The following NEK1 variants were observed in gnomAD, a reference collection of about 807,000 sequenced individuals.
NEK1 encodes the protein serine/threonine-protein kinase Nek1.
A neutral mutation model predicts 182.1 loss-of-function variants in NEK1; 137 were observed. The observed-to-expected ratio is 0.75, with a 90% CI of 0.65 to 0.87. The LOEUF (loss-of-function observed/expected upper bound fraction) is 0.87, where lower values mean the gene tolerates loss of function less well. NEK1 is among the 40% of genes least tolerant of loss of function. The pLI is 0.00. For synonymous variants in NEK1, 513 were observed against 492.2 expected (o/e 1.04, Z -0.56); for missense variants, 1,391 against 1,494.4 (o/e 0.93, Z 1.14).
intron 18 of NEK1, chr4:169,554,484 TAAG>T (rs574192245): frequency 2.3e-4 from 35 of 150,444 alleles, no homozygotes; most frequent in African/African-American, 8.5e-4. Flanking sequence ...ATATTAGTGT[TAAG>T]AAGAAATAAG....
chr4:169,404,083 A>AC (rs990448729), intron 32 of NEK1, among the ~76,000 whole-genome samples: 1 of 151,764 alleles, frequency 6.6e-6, no homozygotes, highest in African/African-American at 2.4e-5. Context: ...GGAAGAAAGA[A>AC]AAAATAAAAG....
chr4:169,489,612 T>G (rs2149600324), intron 23 of NEK1, among the ~76,000 whole-genome samples: 1 of 152,284 alleles, frequency 6.6e-6, no homozygotes, highest in South Asian at 2.1e-4. Context: ...TCACAAAGTC[T>G]GGTCCATTGC....
chr4:169,534,700 G>GGCAAAGCTTACA (rs57649857), intron 19 of NEK1, among the ~76,000 whole-genome samples: 50,130 of 151,918 alleles, frequency 0.33, 11,256 homozygotes, highest in African/African-American at 0.65. Flanking sequence ...GTACTGGCCT[G>GGCAAAGCTTACA]GCCAAAGCTT....
chr4:169,472,205 C>T (rs928672004), intron 26 of NEK1, among the ~76,000 whole-genome samples: 1 of 152,130 alleles, frequency 6.6e-6, no homozygotes, highest in African/African-American at 2.4e-5. Flanking sequence ...CTGCAGCCAG[C>T]TCGGTGTCTC....
intron 23 of NEK1, among the ~76,000 whole-genome samples, chr4:169,504,759 G>A (rs1580297745): frequency 6.6e-6 from 1 of 152,136 alleles, no homozygotes; most frequent in East Asian, 1.9e-4. Context: ...AAGTGGGAAT[G>A]GTTAATGGGT....
intron 23 of NEK1, among the ~76,000 whole-genome samples, chr4:169,506,442 T>C (rs369177140): frequency 6.6e-6 from 1 of 152,086 alleles, no homozygotes; most frequent in Non-Finnish European, 1.5e-5. Context: ...TACTTGGTAA[T>C]AGTAAATTAA....
At chr4:169,495,965 T>C (rs1580206436) in intron 23 of NEK1, among the ~76,000 whole-genome samples, 1 of 152,216 alleles carries the variant, frequency 6.6e-6, no homozygotes, top group East Asian at 1.9e-4. Flanking sequence ...TTGATGGGGA[T>C]GGCATTGAAT....
chr4:169,474,242 CAA>C (rs1254842810), intron 26 of NEK1, among the ~76,000 whole-genome samples: 1 of 152,086 alleles, frequency 6.6e-6, no homozygotes. Context: ...ACGCATAAAC[CAA>C]GAGAGAGGAG....
At chr4:169,434,600 C>A (rs776675058) in intron 28 of NEK1, among the ~76,000 whole-genome samples, 1 of 152,088 alleles carries the variant, frequency 6.6e-6, no homozygotes, top group African/African-American at 2.4e-5. Context: ...AAGTGAACAG[C>A]GATGAGGAGA....
intron 2 of NEK1, among the ~76,000 whole-genome samples, chr4:169,608,634 ATATT>A (rs1328096743): frequency 6.6e-6 from 1 of 152,266 alleles, no homozygotes; most frequent in Non-Finnish European, 1.5e-5. Context: ...AAACTCGTAC[ATATT>A]TATAAGACCA....
Position 169,393,403 on chromosome 4 carries a change from T to C in NEK1, c.*1107A>G, listed in dbSNP as rs952883413. 1 of 152,188 alleles carries C rather than the reference T, an allele frequency of 6.6e-6. No homozygotes were observed. Among genetic ancestry groups the C allele is most frequent in the Non-Finnish European group, 1.5e-5 (1 of 68,028 alleles). The allele number at this position is 152,188 out of a possible 1,614,324, so 9.4% of individuals were successfully genotyped here. A position where few individuals can be genotyped will look rare whatever the true frequency, so the allele number is the denominator to read the frequency against. On this transcript the variant is annotated 3_prime_UTR_variant, in exon 36 of 36. Transcript: ENST00000507142. ...TCAACATACTGATAGTGCTGCAAGA[T>C]AAGATTTTATTTTTCAAATTACATA...
At chr4:169,481,611 C>A (rs1388859374) in intron 23 of NEK1, among the ~76,000 whole-genome samples, 2 of 151,910 alleles carry the variant, frequency 1.3e-5, no homozygotes, top group Admixed American at 1.3e-4. Flanking sequence ...TTTTTCTAAC[C>A]AGTAGGTCTC....
At chr4:169,412,832 T>C (rs955322369) in intron 31 of NEK1, among the ~76,000 whole-genome samples, 1 of 150,064 alleles carries the variant, frequency 6.7e-6, no homozygotes, top group Non-Finnish European at 1.5e-5. Context: ...GAAAGGCTTA[T>C]CTACGTTTCA....
At chr4:169,415,414 T>A (rs1005979808) in intron 31 of NEK1, among the ~76,000 whole-genome samples, 4 of 152,210 alleles carry the variant, frequency 2.6e-5, no homozygotes, top group African/African-American at 9.6e-5. Context: ...AAGGAAAGCA[T>A]TTATTCCCCT....
At chr4:169,482,097 A>C (rs1281183464) in intron 23 of NEK1, among the ~76,000 whole-genome samples, 2 of 152,120 alleles carry the variant, frequency 1.3e-5, no homozygotes, top group East Asian at 1.9e-4. Context: ...AACCTTATGA[A>C]CCAATCTCTG....
intron 29 of NEK1, among the ~76,000 whole-genome samples, chr4:169,427,921 C>G (rs1736684650): frequency 6.6e-6 from 1 of 151,894 alleles, no homozygotes; most frequent in African/African-American, 2.4e-5. Context: ...ATCTCCTGTG[C>G]TCATGTGATC....
intron 23 of NEK1, among the ~76,000 whole-genome samples, chr4:169,490,901 T>C (rs1216109232): frequency 6.6e-6 from 1 of 151,988 alleles, no homozygotes; most frequent in African/African-American, 2.4e-5. Context: ...CCCAGCACTT[T>C]GGGAGGCCAA....
chr4:169,557,155 T>C (rs1762281296), intron 16 of NEK1, among the ~76,000 whole-genome samples: 1 of 151,526 alleles, frequency 6.6e-6, no homozygotes, highest in Admixed American at 6.6e-5. Context: ...AGGAATTAAT[T>C]AGAAGGATGT....
intron 23 of NEK1, among the ~76,000 whole-genome samples, chr4:169,502,445 G>A (rs1487354087): frequency 1.3e-5 from 2 of 151,908 alleles, no homozygotes; most frequent in Non-Finnish European, 2.9e-5. Context: ...GAAAACTACA[G>A]GCCAATGTTG....
Sources: allele counts gnomAD v4.1 joint callset (sites outside exome capture counted in the v4.1 genomes callset), GRCh38; gene constraint gnomAD v4.1.1; transcripts MANE v1.5; gene names NCBI Gene and HGNC (gene_info 2026-07-23, HGNC 2026-07-21).